Variants in SLC24A2 observed in about 807,000 individuals in gnomAD.
The protein encoded by SLC24A2 is solute carrier family 24 member 2.
A neutral mutation model predicts 62.0 loss-of-function variants in SLC24A2; 36 were observed. The ratio of observed to expected loss-of-function variants is 0.58; its 90% CI spans 0.44 to 0.77. The LOEUF is 0.77. SLC24A2 is among the 30% of genes least tolerant of loss of function. The probability of loss-of-function intolerance (pLI) is 0.00; values close to 1 mark genes in which losing one functional copy is unlikely to be tolerated. For missense variants in SLC24A2, 846 were observed against 817.9 expected (o/e 1.03, Z -0.42); for synonymous variants, 358 against 294.0 (o/e 1.22, Z -2.23).
chr9:20,288,884 C>T, the SLC24A2 span, among the ~76,000 whole-genome samples: 2 of 152,210 alleles, frequency 1.3e-5, no homozygotes, highest in African/African-American at 2.4e-5. Flanking sequence ...GCAGGAAGCA[C>T]AGGCCACATG....
At chr9:19,831,501 C>G in the SLC24A2 span, among the ~76,000 whole-genome samples, 1 of 152,246 alleles carries the variant, frequency 6.6e-6, no homozygotes, top group East Asian at 1.9e-4. Flanking sequence ...AATAAGCATG[C>G]ATTTTTAAAG....
Position 19,786,745 on chromosome 9 carries a change from C to T in SLC24A2, c.122G>A (p.Gly41Asp). The change falls in exon 2 of 11, where the codon GGC becomes GAC. Residue 41 changes from glycine (G) to aspartate (D), a missense_variant. Gly to Asp is a moderately conservative substitution (Grantham distance 94). Coordinates refer to ENST00000341998, the MANE Select transcript of SLC24A2 (RefSeq NM_020344.4). This position sits in a 1 kb window ranked among gnomAD's most constrained non-coding sequence, Gnocchi z 5.0. ...KKKLKLIRVL[G>D]LFMGLVAIST... ...AATGGCTACCAGACCCATGAAAAGG[C>T]CTAAGACTCGAATTAACTTCAGTTT... 1.9e-6 allele frequency: 3 copies of T among 1,602,854 alleles called. No homozygotes were observed. The highest frequency in any genetic ancestry group is 2.6e-6 in the Non-Finnish European group (3 of 1,173,986).
chr9:20,127,661 C>G, the SLC24A2 span, among the ~76,000 whole-genome samples: 1 of 152,016 alleles, frequency 6.6e-6, no homozygotes, highest in Non-Finnish European at 1.5e-5. Flanking sequence ...GTCATTGTTC[C>G]AGTTAGGGTT....
chr9:20,209,734 C>T, the SLC24A2 span, among the ~76,000 whole-genome samples: 1 of 152,134 alleles, frequency 6.6e-6, no homozygotes, highest in Non-Finnish European at 1.5e-5. Flanking sequence ...CGACCACAAA[C>T]CCCCTCAAAG....
intron 2 of SLC24A2, among the ~76,000 whole-genome samples, chr9:19,724,338 A>G (rs76830987): frequency 0.021 from 3,147 of 152,320 alleles, 115 homozygotes; most frequent in African/African-American, 0.072. Flanking sequence ...GCAGCATGTG[A>G]TAACAGCTGT....
At chr9:19,977,394 G>C in the SLC24A2 span, among the ~76,000 whole-genome samples, 1 of 152,094 alleles carries the variant, frequency 6.6e-6, no homozygotes, top group Non-Finnish European at 1.5e-5. Flanking sequence ...TAGAGATAAA[G>C]GAGAAAAATA....
chr9:19,990,929 ATATATATG>A, the SLC24A2 span, among the ~76,000 whole-genome samples: 2 of 144,912 alleles, frequency 1.4e-5, no homozygotes, highest in African/African-American at 5.2e-5. Flanking sequence ...TAGGATATAT[ATATATATG>A]TATGTATATG....
At chr9:19,570,535 C>A (rs149545496) in intron 7 of SLC24A2, among the ~76,000 whole-genome samples, 4 of 152,274 alleles carry the variant, frequency 2.6e-5, no homozygotes, top group African/African-American at 9.6e-5. Context: ...TGAATACTCC[C>A]CAAATATTAT....
At chr9:20,097,410 T>C in the SLC24A2 span, among the ~76,000 whole-genome samples, 1 of 152,224 alleles carries the variant, frequency 6.6e-6, no homozygotes, top group African/African-American at 2.4e-5. Flanking sequence ...TCTTCAGTAT[T>C]GATATGAGTC....
chr9:19,801,977 T>C, the SLC24A2 span, among the ~76,000 whole-genome samples: 1 of 152,178 alleles, frequency 6.6e-6, no homozygotes, highest in Admixed American at 6.5e-5. Flanking sequence ...GAGCTGATAG[T>C]GGACAGGTTG....
chr9:20,275,714 A>G, the SLC24A2 span, among the ~76,000 whole-genome samples: 1 of 152,196 alleles, frequency 6.6e-6, no homozygotes, highest in African/African-American at 2.4e-5. Flanking sequence ...TATGGCTATG[A>G]AGAAATGCCC....
At chr9:20,161,286 G>A in the SLC24A2 span, among the ~76,000 whole-genome samples, 1 of 151,324 alleles carries the variant, frequency 6.6e-6, no homozygotes, top group Non-Finnish European at 1.5e-5. Flanking sequence ...TGCTTTCATA[G>A]AGGAATTCTA....
At chr9:19,780,098 A>G (rs1039725756) in intron 2 of SLC24A2, among the ~76,000 whole-genome samples, 1 of 152,046 alleles carries the variant, frequency 6.6e-6, no homozygotes, top group East Asian at 1.9e-4. Context: ...AAACAAACGG[A>G]CAAAAAACAC....
At chr9:19,663,089 G>A (rs1351176508) in intron 2 of SLC24A2, among the ~76,000 whole-genome samples, 1 of 152,168 alleles carries the variant, frequency 6.6e-6, no homozygotes, top group Non-Finnish European at 1.5e-5. Context: ...ATGGCTAACT[G>A]CCCAACATAC....
intron 2 of SLC24A2, among the ~76,000 whole-genome samples, chr9:19,722,819 G>A (rs749684976): frequency 1.2e-4 from 19 of 152,132 alleles, no homozygotes; most frequent in South Asian, 1.0e-3. Context: ...GACTTTGGCT[G>A]GGAAGGACAG....
the SLC24A2 span, among the ~76,000 whole-genome samples, chr9:20,040,613 C>G: frequency 6.6e-6 from 1 of 152,196 alleles, no homozygotes; most frequent in Non-Finnish European, 1.5e-5. Flanking sequence ...CCAAGATCCA[C>G]TTCTAGACTT....
At chr9:19,789,457 A>T (rs1681298507), upstream of SLC24A2, among the ~76,000 whole-genome samples, 1 of 152,222 alleles carries the variant, frequency 6.6e-6, no homozygotes, top group Admixed American at 6.5e-5. Context: ...GGAGGCCTGC[A>T]GGACAGGCTG....
the SLC24A2 span, among the ~76,000 whole-genome samples, chr9:19,823,882 T>C: frequency 6.1e-3 from 926 of 152,218 alleles, 14 homozygotes; most frequent in African/African-American, 0.021. Context: ...TCTACAACCA[T>C]CTGATCTTTG....
At chr9:20,090,732 G>C in the SLC24A2 span, among the ~76,000 whole-genome samples, 1 of 152,182 alleles carries the variant, frequency 6.6e-6, no homozygotes, top group Non-Finnish European at 1.5e-5. Context: ...GCAGTTAAAG[G>C]AACACCCACA....
Sources: allele counts gnomAD v4.1 joint callset (sites outside exome capture counted in the v4.1 genomes callset), GRCh38; gene constraint gnomAD v4.1.1; non-coding constraint Gnocchi (gnomAD v3.1); transcripts MANE v1.5; gene names NCBI Gene and HGNC (gene_info 2026-07-23, HGNC 2026-07-21).